The following RIN3 variants were observed in gnomAD, a reference collection of about 807,000 sequenced individuals.
The protein encoded by RIN3 is RAB5 interacting protein 3.
In RIN3, 54 loss-of-function variants were observed where a neutral mutation model predicts 76.3. The ratio of observed to expected loss-of-function variants is 0.71; its 90% CI spans 0.57 to 0.89. RIN3 has a LOEUF of 0.89. RIN3 is among the 40% of genes least tolerant of loss of function. RIN3 has a pLI of 0.00. For synonymous variants in RIN3, 576 were observed against 564.0 expected, an observed-to-expected ratio of 1.02 and a Z score of -0.30; for missense variants, 1,256 against 1,322.1, an observed-to-expected ratio of 0.95 and a Z score of 0.78.
chr14:92,652,073 G>T lies in RIN3; in HGVS notation c.1024G>T (p.Glu342Ter), dbSNP rs765541980. 66 of 1,601,958 alleles carry T rather than the reference G, an allele frequency of 4.1e-5. 1 individual carries two copies. Among genetic ancestry groups the T allele is most frequent in the Non-Finnish European group, 1.6e-5 (19 of 1,179,490 alleles). Residue 342 changes from glutamate to a stop codon, truncating the protein, a stop_gained, in exon 6 of 10, where the codon GAG becomes TAG. Coordinates refer to ENST00000216487, the MANE Select transcript of RIN3 (RefSeq NM_024832.5). LOFTEE classifies it high-confidence loss of function. The surrounding 1 kb of genome is among the most constrained non-coding windows in gnomAD (Gnocchi z 6.4). ...HPNQPPMMTC[E>*]RLPCPTAGLG... ...GAACCAGCCGCCCATGATGACCTGC[G>T]AGAGACTCCCATGCCCCACTGCAGG...
At chr14:92,603,123 A>G (rs1164720000) in intron 3 of RIN3, among the ~76,000 whole-genome samples, 1 of 152,142 alleles carries the variant, frequency 6.6e-6, no homozygotes, top group Non-Finnish European at 1.5e-5. Context: ...CTAAGGAGGG[A>G]TGATCTTACA....
At chr14:92,528,443 CAT>C (rs1776573572) in intron 1 of RIN3, among the ~76,000 whole-genome samples, 2 of 152,224 alleles carry the variant, frequency 1.3e-5, no homozygotes, top group South Asian at 4.1e-4. Context: ...CTGTGTATTA[CAT>C]GAGTGGACGT....
intron 1 of RIN3, among the ~76,000 whole-genome samples, chr14:92,545,582 C>CTTT (rs11324822): frequency 1.7e-5 from 2 of 114,710 alleles, no homozygotes; most frequent in South Asian, 2.9e-4. Context: ...TTTTCTTTTT[C>CTTT]TTTTTTTTTT....
Position 92,688,188 on chromosome 14 carries a change from G to A in RIN3, c.2894G>A (p.Gly965Asp). The change falls in exon 10 of 10, where the codon GGT (glycine) becomes GAT (aspartate). Residue 965 changes from glycine to aspartate, a missense_variant. Gly to Asp is a moderately conservative substitution (Grantham distance 94). Around this residue, in one of 3 missense-constraint regions of RIN3, gnomAD observed 218 missense variants for 174.5 expected, o/e 1.25. Coordinates refer to ENST00000216487, the MANE Select transcript of RIN3 (RefSeq NM_024832.5). ...CACTTTGTCTACCGGCCCCTGGACG[G>A]TGGTGGCGGCGGCGGCGGCGGGAGC... Reference protein sequence around the residue: ...DFHFVYRPLDGGGGGGGGSPP... With the variant: ...DFHFVYRPLDDGGGGGGGSPP... 1 of 1,535,478 alleles carries A rather than the reference G, an allele frequency of 6.5e-7. No individual in the cohort carries two copies. The highest frequency in any genetic ancestry group is 1.1e-5 in the South Asian group (1 of 88,342).
In RIN3 at chr14:92,568,370, C is replaced by G. The variant is rs754570244; in HGVS notation, c.250-8990C>G. On this transcript the variant is annotated intron_variant, in intron 2 of 9. Transcript: ENST00000216487. The surrounding 1 kb of genome is among the most constrained non-coding windows in gnomAD (Gnocchi z 4.2). Reference sequence around the variant, plus strand: ...TCATGAAGATGGCTGCTGCCTGACACTGACTTGGGCCAAAATCTGCCAGAT... The same window carrying G: ...TCATGAAGATGGCTGCTGCCTGACAGTGACTTGGGCCAAAATCTGCCAGAT... Among the ~76,000 whole-genome samples the G allele has an allele frequency of 5.9e-5, 9 of 152,218 alleles. No individual in the cohort carries two copies. The highest frequency in any genetic ancestry group is 1.2e-4 in the Non-Finnish European group (8 of 68,038).
At chr14:92,650,163 G>A (rs1411786857) in intron 5 of RIN3, among the ~76,000 whole-genome samples, 3 of 152,188 alleles carry the variant, frequency 2.0e-5, no homozygotes, top group Admixed American at 6.5e-5. Context: ...GCTACTCACC[G>A]ATGCCGGGAG....
At chr14:92,517,783 G>T (rs1334564827) in intron 1 of RIN3, among the ~76,000 whole-genome samples, 1 of 152,172 alleles carries the variant, frequency 6.6e-6, no homozygotes, top group Non-Finnish European at 1.5e-5. Context: ...CTTCCAAACT[G>T]GATCTCCCCT....
At chr14:92,675,083 T>C (rs1349524208) in intron 7 of RIN3, among the ~76,000 whole-genome samples, 2 of 152,156 alleles carry the variant, frequency 1.3e-5, no homozygotes, top group African/African-American at 2.4e-5. Context: ...AGCTAAGAGT[T>C]AGAAAAATAA....
intron 1 of RIN3, among the ~76,000 whole-genome samples, chr14:92,548,365 G>A (rs1161144226): frequency 6.6e-6 from 1 of 152,154 alleles, no homozygotes; most frequent in Non-Finnish European, 1.5e-5. Flanking sequence ...TAACCTCTCT[G>A]TGCCTCTGTG....
intron 7 of RIN3, among the ~76,000 whole-genome samples, chr14:92,663,382 C>T (rs1230968644): frequency 6.6e-6 from 1 of 152,174 alleles, no homozygotes; most frequent in East Asian, 1.9e-4. Context: ...TGGCTGGTGC[C>T]GCATGTGGTT....
At position 92,677,913 on chromosome 14, in the gene RIN3, C is replaced by T. The variant is rs561834999; in HGVS notation, c.2467+1307C>T. Among the ~76,000 whole-genome samples, 8 of 150,918 alleles carry T rather than the reference C, an allele frequency of 5.3e-5. No homozygotes were observed. The South Asian group carries it at 1.5e-3, about 28-fold the overall frequency. On this transcript the variant is annotated intron_variant, in intron 8 of 9. Transcript: ENST00000216487. ...CCATCTATACGTCCACCCACCCATC[C>T]GTCATCCATCCATGCATCCATCTAC...
intron 3 of RIN3, among the ~76,000 whole-genome samples, chr14:92,608,343 A>G (rs1885603063): frequency 1.3e-5 from 2 of 152,224 alleles, no homozygotes; most frequent in Non-Finnish European, 2.9e-5. Context: ...AGCATTCCAA[A>G]ATAAACCATT....
chr14:92,520,371 G>C (rs117408525), intron 1 of RIN3, among the ~76,000 whole-genome samples: 2 of 152,210 alleles, frequency 1.3e-5, no homozygotes, highest in East Asian at 1.9e-4. Context: ...CCAGTAGAGG[G>C]GGGTGGGAGT....
At chr14:92,653,103 G>A in intron 6 of RIN3, 28 bp downstream of exon 6, 2 of 1,580,444 alleles carry the variant, frequency 1.3e-6, no homozygotes, top group South Asian at 2.3e-5. Flanking sequence ...AGGTGGCAGG[G>A]AGGAGAGGGC....
intron 8 of RIN3, among the ~76,000 whole-genome samples, chr14:92,677,148 C>G (rs1888496430): frequency 6.6e-6 from 1 of 152,174 alleles, no homozygotes. Context: ...GGACCTCCAT[C>G]AGTGGGAAGT....
intron 1 of RIN3, chr14:92,515,195 T>C (rs979530969): frequency 8.7e-6 from 6 of 688,076 alleles, no homozygotes; most frequent in African/African-American, 7.1e-5. Flanking sequence ...TTTCTTTCTC[T>C]CGAAAGCGAC....
intron 4 of RIN3, among the ~76,000 whole-genome samples, chr14:92,620,918 T>C (rs1378497019): frequency 6.6e-6 from 1 of 152,188 alleles, no homozygotes; most frequent in Non-Finnish European, 1.5e-5. Context: ...AGAGTAAACA[T>C]AGTGTGAAGC....
At chr14:92,576,819 A>G (rs1216357824) in intron 2 of RIN3, among the ~76,000 whole-genome samples, 2 of 152,288 alleles carry the variant, frequency 1.3e-5, no homozygotes, top group Non-Finnish European at 2.9e-5. Context: ...CGAGAGCTCT[A>G]TATTAAGTAT....
intron 3 of RIN3, among the ~76,000 whole-genome samples, chr14:92,598,029 C>T (rs1276399170): frequency 2.6e-5 from 4 of 152,160 alleles, no homozygotes; most frequent in African/African-American, 9.7e-5. Context: ...TATTGCCTCT[C>T]TCCTTGGATC....
Sources: allele counts gnomAD v4.1 joint callset (sites outside exome capture counted in the v4.1 genomes callset), GRCh38; gene constraint gnomAD v4.1.1; regional missense constraint gnomAD v4.1.1; non-coding constraint Gnocchi (gnomAD v3.1); transcripts MANE v1.5; gene names NCBI Gene and HGNC (gene_info 2026-07-23, HGNC 2026-07-21).